CADPS2: variants seen among roughly 807,000 people sequenced by gnomAD.
CADPS2 encodes calcium dependent secretion activator 2, also known as calcium-dependent secretion activator 2.
In CADPS2, 93 loss-of-function variants were observed where a neutral mutation model predicts 172.5. That is an observed-to-expected ratio of 0.54 (90% CI 0.46 to 0.64). The LOEUF (loss-of-function observed/expected upper bound fraction) is 0.64, where lower values mean the gene tolerates loss of function less well. CADPS2 is among the 30% of genes least tolerant of loss of function. The probability of loss-of-function intolerance (pLI) is 0.00; values close to 1 mark genes in which losing one functional copy is unlikely to be tolerated. For synonymous variants in CADPS2, 546 were observed against 555.2 expected, an observed-to-expected ratio of 0.98 and a Z score of 0.23; for missense variants, 1,420 against 1,565.9, an observed-to-expected ratio of 0.91 and a Z score of 1.57.
chr7:122,412,222 A>G (rs2047396238), intron 19 of CADPS2, among the ~76,000 whole-genome samples: 1 of 152,200 alleles, frequency 6.6e-6, no homozygotes, highest in Non-Finnish European at 1.5e-5. Flanking sequence ...GACTATCCAG[A>G]TATCAACAAT....
At chr7:122,393,412 G>A in intron 21 of CADPS2, 29 bp downstream of exon 21, 31 of 1,613,410 alleles carry the variant, frequency 1.9e-5, no homozygotes, top group Non-Finnish European at 2.5e-5. Flanking sequence ...AGAGGCAGGT[G>A]CTCTACGGAC....
chr7:122,837,808 G>T (rs563122000), intron 1 of CADPS2, among the ~76,000 whole-genome samples: 1 of 152,218 alleles, frequency 6.6e-6, no homozygotes, highest in African/African-American at 2.4e-5. Context: ...ACCAATAAAA[G>T]TCCAGCACCA....
intron 1 of CADPS2, among the ~76,000 whole-genome samples, chr7:122,867,723 G>A (rs150202474): frequency 6.6e-6 from 1 of 152,294 alleles, no homozygotes; most frequent in East Asian, 1.9e-4. Context: ...ACTTATCTGA[G>A]CCTAAATGGG....
At chr7:122,429,055 T>G (rs914446533) in intron 17 of CADPS2, among the ~76,000 whole-genome samples, 1 of 152,126 alleles carries the variant, frequency 6.6e-6, no homozygotes, top group Non-Finnish European at 1.5e-5. Flanking sequence ...GTTACCACAA[T>G]GCTATTATTA....
chr7:122,635,346 G>A (rs1296316542), intron 3 of CADPS2, among the ~76,000 whole-genome samples: 5 of 151,612 alleles, frequency 3.3e-5, no homozygotes, highest in Non-Finnish European at 7.4e-5. Flanking sequence ...TAGTTACTAT[G>A]TATACATGTG....
intron 7 of CADPS2, among the ~76,000 whole-genome samples, chr7:122,579,299 T>C (rs1446684514): frequency 6.6e-6 from 1 of 151,518 alleles, no homozygotes; most frequent in African/African-American, 2.4e-5. Flanking sequence ...TCATAAAATA[T>C]ACAAAAAAGC....
chr7:122,510,688 A>T (rs922529542), intron 9 of CADPS2, among the ~76,000 whole-genome samples: 2 of 152,178 alleles, frequency 1.3e-5, no homozygotes, highest in African/African-American at 4.8e-5. Flanking sequence ...CCTCCCTGTG[A>T]AAACGATTCC....
chr7:122,679,766 A>G (rs10278811), intron 2 of CADPS2, among the ~76,000 whole-genome samples: 27,263 of 151,970 alleles, frequency 0.18, 3,218 homozygotes, highest in African/African-American at 0.34. Context: ...CAGACCGGCC[A>G]ACACTGAGGG....
At chr7:122,691,067 C>G (rs1013271472) in intron 2 of CADPS2, among the ~76,000 whole-genome samples, 1 of 152,354 alleles carries the variant, frequency 6.6e-6, no homozygotes, top group South Asian at 2.1e-4. Context: ...GACTTGTACT[C>G]AGCATACTCC....
At chr7:122,876,523 G>C (rs75863711) in intron 1 of CADPS2, among the ~76,000 whole-genome samples, 5,859 of 152,002 alleles carry the variant, frequency 0.039, 161 homozygotes, top group Non-Finnish European at 0.057. Flanking sequence ...CGCCATGCTT[G>C]ACTAATTTTT....
intron 10 of CADPS2, among the ~76,000 whole-genome samples, chr7:122,491,058 TA>T (rs1290412111): frequency 1.3e-5 from 2 of 152,190 alleles, no homozygotes; most frequent in African/African-American, 4.8e-5. Context: ...ATATCTCACC[TA>T]ATTATTCCAT....
At chr7:122,549,946 T>C (rs1301357714) in intron 8 of CADPS2, among the ~76,000 whole-genome samples, 1 of 152,152 alleles carries the variant, frequency 6.6e-6, no homozygotes, top group Non-Finnish European at 1.5e-5. Flanking sequence ...GCTAAGATTT[T>C]CCTCCCCTAA....
At chr7:122,474,627 A>T in intron 12 of CADPS2, 110 bp from the exon 13 acceptor site, 2 of 970,352 alleles carry the variant, frequency 2.1e-6, no homozygotes, top group South Asian at 3.4e-5. Flanking sequence ...ACTACCTTTT[A>T]TCACATGAAA....
At chr7:122,785,711 C>T (rs1201855996) in intron 1 of CADPS2, among the ~76,000 whole-genome samples, 18 of 152,056 alleles carry the variant, frequency 1.2e-4, no homozygotes. Flanking sequence ...ACTCTCATAT[C>T]CCTACCCCCA....
intron 6 of CADPS2, among the ~76,000 whole-genome samples, chr7:122,607,256 T>A (rs2073696506): frequency 6.6e-6 from 1 of 152,064 alleles, no homozygotes; most frequent in African/African-American, 2.4e-5. Context: ...TCTGAAAAAT[T>A]TAGTACCTGA....
At chr7:122,421,118 C>T (rs145993526) in intron 17 of CADPS2, 20 of 152,218 alleles carry the variant, frequency 1.3e-4, no homozygotes, top group African/African-American at 4.3e-4. Flanking sequence ...GGGAAGAAGA[C>T]CAGTGAGATA....
At chr7:122,424,216 C>G in intron 17 of CADPS2, 1 of 484,452 alleles carries the variant, frequency 2.1e-6, no homozygotes, top group Middle Eastern at 1.1e-3. Context: ...TTTAATGACC[C>G]TGCCATTTAA....
chr7:122,473,494 A>C (rs2056241024), intron 13 of CADPS2, among the ~76,000 whole-genome samples: 1 of 152,204 alleles, frequency 6.6e-6, no homozygotes, highest in African/African-American at 2.4e-5. Flanking sequence ...CTCACCTTGT[A>C]CATATAATGC....
chr7:122,680,228 T>C (rs2082878335), intron 2 of CADPS2, among the ~76,000 whole-genome samples: 1 of 152,254 alleles, frequency 6.6e-6, no homozygotes, highest in Non-Finnish European at 1.5e-5. Context: ...ATCCCATTTC[T>C]TTACCTATCA....
Sources: gnomAD v4.1 joint callset for allele counts (sites outside exome capture counted in the v4.1 genomes callset) on GRCh38, gnomAD v4.1.1 for gene constraint, MANE v1.5 for transcripts, NCBI Gene and HGNC (gene_info 2026-07-23, HGNC 2026-07-21) for gene names.